Variants in UBTD2 observed in about 807,000 individuals in gnomAD.
UBTD2 encodes the protein ubiquitin domain-containing protein 2.
UBTD2 carries 9 observed loss-of-function variants against 19.8 expected under a neutral mutation model. The ratio of observed to expected loss-of-function variants is 0.46; its 90% CI spans 0.27 to 0.79. The LOEUF (loss-of-function observed/expected upper bound fraction) is 0.79. Ranked by LOEUF, UBTD2 falls within the 30% of genes least tolerant of loss-of-function variation. The pLI is 0.14. For missense variants in UBTD2, 250 were observed against 300.4 expected (o/e 0.83, Z 1.24); for synonymous variants, 98 against 103.9 (o/e 0.94, Z 0.35).
chr5:172,258,981 T>C (rs919842780), intron 1 of UBTD2, among the ~76,000 whole-genome samples: 7 of 152,160 alleles, frequency 4.6e-5, no homozygotes, highest in African/African-American at 1.7e-4. Context: ...TCCAGAACTA[T>C]GCTAAATAGG....
At chr5:172,227,298 G>A (rs957931307) in intron 2 of UBTD2, among the ~76,000 whole-genome samples, 2 of 152,160 alleles carry the variant, frequency 1.3e-5, no homozygotes, top group Non-Finnish European at 2.9e-5. Flanking sequence ...CAGAGGAATA[G>A]ATAAACTGGA....
chr5:172,249,703 G>A (rs1754951988), intron 1 of UBTD2, among the ~76,000 whole-genome samples: 1 of 151,910 alleles, frequency 6.6e-6, no homozygotes, highest in Admixed American at 6.6e-5. Context: ...ATTAATACCA[G>A]CAAACTAAAT....
At chr5:172,217,483 T>A (rs1051632360) in intron 2 of UBTD2, among the ~76,000 whole-genome samples, 3 of 151,820 alleles carry the variant, frequency 2.0e-5, no homozygotes, top group South Asian at 2.1e-4. Context: ...TTAAAAAAAT[T>A]TTTTTTCTTA....
chr5:172,282,663 T>C (rs758022173), intron 1 of UBTD2, among the ~76,000 whole-genome samples: 2 of 152,268 alleles, frequency 1.3e-5, no homozygotes, highest in Non-Finnish European at 2.9e-5. Context: ...AAAGGCTGTT[T>C]ATCACTAAAA....
intron 1 of UBTD2, among the ~76,000 whole-genome samples, chr5:172,251,184 T>C (rs1186195660): frequency 6.6e-6 from 1 of 150,430 alleles, no homozygotes; most frequent in Non-Finnish European, 1.5e-5. Flanking sequence ...CCGGGCGTGG[T>C]TGCAGGTGCC....
intron 1 of UBTD2, among the ~76,000 whole-genome samples, chr5:172,269,706 A>G (rs1755445914): frequency 6.7e-6 from 1 of 149,408 alleles, no homozygotes; most frequent in Admixed American, 6.7e-5. Context: ...AGAGACACAG[A>G]CTGATTCTGT....
At position 172,224,177 on chromosome 5, in the gene UBTD2, T is replaced by C. The variant is rs375234604; in HGVS notation, c.307+9945A>G. On this transcript the variant is annotated intron_variant, in intron 2 of 2. Transcript: ENST00000393792. Reference sequence around the variant, plus strand: ...ACCCAAATCTCGTCTTGAATTGCAATCCCCATAAACCCCACGTACCTAGGG... The same window carrying C: ...ACCCAAATCTCGTCTTGAATTGCAACCCCCATAAACCCCACGTACCTAGGG... Among the ~76,000 whole-genome samples, 74 of 152,024 alleles carry C rather than the reference T, an allele frequency of 4.9e-4. No homozygotes were observed. In the East Asian group the frequency reaches 0.014, roughly 28 times the overall value.
At chr5:172,247,041 A>AC (rs992797923) in intron 1 of UBTD2, among the ~76,000 whole-genome samples, 28 of 152,006 alleles carry the variant, frequency 1.8e-4, no homozygotes, top group Non-Finnish European at 3.4e-4. Flanking sequence ...AGCATGAGCC[A>AC]CAGCATCCGG....
chr5:172,254,446 C>A, intron 1 of UBTD2: 3 of 465,498 alleles, frequency 6.4e-6, no homozygotes, highest in South Asian at 5.5e-5. Flanking sequence ...CGGTTACAGT[C>A]CGGACACTGT....
Position 172,218,786 on chromosome 5 carries a change from A to AT in UBTD2, c.308-6560_308-6559insA, listed in dbSNP as rs1554127114. Among the ~76,000 whole-genome samples, 266 of 137,900 alleles carry AT rather than the reference A, an allele frequency of 1.9e-3. 1 individual carries two copies. The East Asian group carries it at 0.024, about 12-fold the overall frequency. 90.5% of individuals were successfully genotyped at this position (137,900 alleles called of 152,430 possible). On this transcript the variant is annotated intron_variant, in intron 2 of 2. Coordinates refer to ENST00000393792, the MANE Select transcript of UBTD2 (RefSeq NM_152277.3). ...TCAGACCCTGTCACCAAAAAAAAAA[A>AT]AAATAAAAAAATAAAAAAAAAAATA...
intron 1 of UBTD2, among the ~76,000 whole-genome samples, chr5:172,239,308 T>G (rs1394469874): frequency 6.6e-6 from 1 of 152,168 alleles, no homozygotes. Flanking sequence ...CAGATCTCAC[T>G]GGGTGCGGTG....
At chr5:172,229,456 G>A (rs1248257349) in intron 2 of UBTD2, among the ~76,000 whole-genome samples, 1 of 126,784 alleles carries the variant, frequency 7.9e-6, no homozygotes, top group Non-Finnish European at 1.6e-5. Flanking sequence ...AGCCGAGATT[G>A]TGCCACTGCA....
chr5:172,230,854 G>T (rs1177820502), intron 2 of UBTD2, among the ~76,000 whole-genome samples: 4 of 151,246 alleles, frequency 2.6e-5, no homozygotes, highest in Non-Finnish European at 4.4e-5. Context: ...CGCGATCTTG[G>T]CTCACTGCAA....
intron 2 of UBTD2, among the ~76,000 whole-genome samples, chr5:172,218,355 AAGC>A (rs1456426758): frequency 2.6e-5 from 4 of 152,336 alleles, no homozygotes; most frequent in East Asian, 1.9e-4. Context: ...CATATTAGAG[AAGC>A]AGAAATATCT....
intron 1 of UBTD2, among the ~76,000 whole-genome samples, chr5:172,243,259 C>G (rs765782272): frequency 3.3e-5 from 5 of 152,082 alleles, no homozygotes; most frequent in Admixed American, 1.3e-4. Context: ...ATATCACTTA[C>G]CAATAGCTTA....
intron 1 of UBTD2, among the ~76,000 whole-genome samples, chr5:172,266,599 C>T (rs1311693082): frequency 6.6e-6 from 1 of 152,100 alleles, no homozygotes; most frequent in Admixed American, 6.6e-5. Flanking sequence ...ATATTTTATG[C>T]CCAAGAGAGG....
intron 2 of UBTD2, 72 bp downstream of exon 2, chr5:172,234,050 C>CCCA: frequency 6.8e-7 from 1 of 1,473,222 alleles, no homozygotes; most frequent in Non-Finnish European, 9.5e-7. Flanking sequence ...AAAACACTCT[C>CCCA]CCATTTGGTT....
chr5:172,216,802 C>T (rs1368969094), intron 2 of UBTD2, among the ~76,000 whole-genome samples: 3 of 151,604 alleles, frequency 2.0e-5, no homozygotes, highest in African/African-American at 7.3e-5. Flanking sequence ...CCTGTCTCTA[C>T]AAAAAATACA....
intron 1 of UBTD2, among the ~76,000 whole-genome samples, chr5:172,281,059 T>C (rs1465974292): frequency 2.0e-5 from 3 of 152,170 alleles, no homozygotes; most frequent in African/African-American, 7.2e-5. Context: ...ACACTGTGAA[T>C]GTAATTATTT....
Sources: gnomAD v4.1 joint callset for allele counts (sites outside exome capture counted in the v4.1 genomes callset) on GRCh38, gnomAD v4.1.1 for gene constraint, MANE v1.5 for transcripts, NCBI Gene and HGNC (gene_info 2026-07-23, HGNC 2026-07-21) for gene names.